The following ATRAID variants were observed in gnomAD, a reference collection of about 807,000 sequenced individuals.
ATRAID encodes all-trans retinoic acid-induced differentiation factor.
A neutral mutation model predicts 28.8 loss-of-function variants in ATRAID; 26 were observed. The ratio of observed to expected loss-of-function variants is 0.90; its 90% CI spans 0.66 to 1.25. The LOEUF (loss-of-function observed/expected upper bound fraction) is 1.25, where lower values mean the gene tolerates loss of function less well. Ranked by LOEUF, ATRAID falls within the 50% of genes most tolerant of loss-of-function variation. The pLI, the probability that ATRAID is intolerant of heterozygous loss-of-function variation, is 0.00. For missense variants in ATRAID, 308 were observed against 285.9 expected (o/e 1.08, Z -0.56); for synonymous variants, 131 against 108.5 (o/e 1.21, Z -1.29).
rs1674793628 is a variant in ATRAID at position 27,215,632 on chromosome 2, G to C, written c.366G>C (p.Leu122=). The C allele has an allele frequency of 6.2e-7, 1 of 1,614,174 alleles. No homozygotes were observed. Among genetic ancestry groups the C allele is most frequent in the Non-Finnish European group, 8.5e-7 (1 of 1,180,036 alleles). ...TFRGFTQLQT[L]ILPQHVNCPG... is the part of the protein sequence containing the mutation. ...ATGTTATGACCACATTTCTCTATAG[G>C]ATACTGCCACAACATGTCAACTGTC... Residue 122 remains leucine (L), a splice_region_variant and synonymous_variant, in exon 5 of 7, where the codon CTG becomes CTC. Transcript: ENST00000380171.
intron 2 of ATRAID, among the ~76,000 whole-genome samples, chr2:27,214,482 G>A (rs910874768): frequency 6.6e-6 from 1 of 151,856 alleles, no homozygotes; most frequent in Non-Finnish European, 1.5e-5. Flanking sequence ...CACTAATGTA[G>A]ACAAGAAACA....
chr2:27,213,042 C>A (rs995707037), intron 1 of ATRAID, 135 bp from the exon 2 acceptor site: 4 of 1,118,482 alleles, frequency 3.6e-6, no homozygotes, highest in Non-Finnish European at 5.1e-6. Context: ...GGGTGGGACA[C>A]GAGCCGTTTA....
At chr2:27,213,631 A>G (rs1294723152) in intron 2 of ATRAID, among the ~76,000 whole-genome samples, 1 of 152,148 alleles carries the variant, frequency 6.6e-6, no homozygotes, top group African/African-American at 2.4e-5. Flanking sequence ...ATTTTCCATT[A>G]TCACTCTCTT....
Position 27,215,485 on chromosome 2 carries a change from C to G in ATRAID, c.305C>G (p.Ala102Gly). ...TGTGTACTTTGCAGAGACCTGCAAG[C>G]AAACCCCCTCAAAGGTGACTTGGCC... ...AHTTVIIDLQ[A>G]NPLKGDLANT... Residue 102 changes from alanine to glycine, a missense_variant, in exon 4 of 7, where the codon GCA becomes GGA. Transcript: ENST00000380171. 6.2e-7 allele frequency: 1 copy of G among 1,614,218 alleles called. No individual in the cohort carries two copies. Among genetic ancestry groups the G allele is most frequent in the Non-Finnish European group, 8.5e-7 (1 of 1,180,042 alleles).
rs1674828983 is a variant in ATRAID, at chr2:27,216,317, G to T, written c.488-206G>T. On this transcript the variant is annotated intron_variant, in intron 5 of 6. Coordinates refer to ENST00000380171, the MANE Select transcript of ATRAID (RefSeq NM_001170795.4). ...ATCTTCAGTTGCTTCAGACCATCTGGATGTATACGTGCAGGTCACAGGGGA... is the reference window on the plus strand; with the variant it reads ...ATCTTCAGTTGCTTCAGACCATCTGTATGTATACGTGCAGGTCACAGGGGA... The T allele has an allele frequency of 5.3e-6, 3 of 562,640 alleles. No individual in the cohort carries two copies. The South Asian group carries it at 6.1e-5, about 11-fold the overall frequency. 34.9% of individuals were successfully genotyped at this position (562,640 alleles called of 1,614,324 possible).
chr2:27,212,263 T>G lies in ATRAID; in HGVS notation c.-106T>G. On this transcript the variant is annotated 5_prime_UTR_variant, in exon 1 of 7. Coordinates refer to ENST00000380171, the MANE Select transcript of ATRAID (RefSeq NM_001170795.4). ...AGCCCCCAAGCAGCCCCAGGGCGAC[T>G]GGACCGGGCCGCTTAGGCCACGCCC... 5.8e-6 allele frequency: 9 copies of G among 1,557,922 alleles called. No homozygotes were observed. The highest frequency in any genetic ancestry group is 6.9e-6 in the Non-Finnish European group (8 of 1,151,348).
At chr2:27,216,004 CA>C (rs1674814030) in intron 5 of ATRAID, among the ~76,000 whole-genome samples, 1 of 152,138 alleles carries the variant, frequency 6.6e-6, no homozygotes, top group Non-Finnish European at 1.5e-5. Context: ...GGGCTGAGTC[CA>C]AAAAGAGAGT....
chr2:27,213,552 T>C, intron 2 of ATRAID: 2 of 334,966 alleles, frequency 6.0e-6, no homozygotes. Context: ...ATGTTATGTT[T>C]TGCTTCCATT....
In ATRAID at chr2:27,216,780, G is replaced by T; in HGVS notation, c.586-64G>T. 2.0e-6 allele frequency: 3 copies of T among 1,483,444 alleles called. No individual in the cohort carries two copies. The South Asian group carries it at 3.4e-5, about 17-fold the overall frequency. 91.9% of individuals were successfully genotyped at this position (1,483,444 alleles called of 1,614,324 possible). On this transcript the variant is annotated intron_variant, in intron 6 of 6. Coordinates refer to ENST00000380171, the MANE Select transcript of ATRAID (RefSeq NM_001170795.4). ...TGATAGGTATATTAGGAAAGAACTAGGTGTTAGGATGTGGCCCTCCGTGTA... is the reference window on the plus strand; with the variant it reads ...TGATAGGTATATTAGGAAAGAACTATGTGTTAGGATGTGGCCCTCCGTGTA...
intron 5 of ATRAID, 64 bp downstream of exon 5, chr2:27,215,817 A>C (rs1674803077): frequency 6.3e-7 from 1 of 1,579,436 alleles, no homozygotes; most frequent in Admixed American, 1.8e-5. Context: ...TCCACTTTAG[A>C]TCAGAAAGAC....
Position 27,212,329 on chromosome 2 carries a change from G to A in ATRAID, c.-40G>A. 1.3e-6 allele frequency: 2 copies of A among 1,549,372 alleles called. No homozygotes were observed. Among genetic ancestry groups the A allele is most frequent in the Non-Finnish European group, 8.7e-7 (1 of 1,146,272 alleles). On this transcript the variant is annotated 5_prime_UTR_variant, in exon 1 of 7. Coordinates refer to ENST00000380171, the MANE Select transcript of ATRAID (RefSeq NM_001170795.4). The stretch of plus-strand genomic sequence containing the variant: ...ACGCGCTGCGGGGCGGGGCCGCGGG[G>A]CCGGGTCGCGCGAGCAGCGGAGCAC...
chr2:27,212,332 G>T lies in ATRAID; in HGVS notation c.-37G>T. The T allele has an allele frequency of 6.5e-7, 1 of 1,549,426 alleles. No individual in the cohort carries two copies. The highest frequency in any genetic ancestry group is 8.7e-7 in the Non-Finnish European group (1 of 1,146,256). ...CGCTGCGGGGCGGGGCCGCGGGGCCGGGTCGCGCGAGCAGCGGAGCACCAA... is the reference window on the plus strand; with the variant it reads ...CGCTGCGGGGCGGGGCCGCGGGGCCTGGTCGCGCGAGCAGCGGAGCACCAA... On this transcript the variant is annotated 5_prime_UTR_variant, in exon 1 of 7. Transcript: ENST00000380171.
intron 2 of ATRAID, among the ~76,000 whole-genome samples, chr2:27,214,458 C>A (rs1411338814): frequency 1.3e-5 from 2 of 151,680 alleles, no homozygotes; most frequent in African/African-American, 2.4e-5. Flanking sequence ...ATCTGAAAAT[C>A]ATAATATGAG....
chr2:27,212,134 G>T lies in ATRAID; in HGVS notation c.-235G>T. The stretch of plus-strand genomic sequence containing the variant: ...GGCTCCGGGAAGCCGCGCGGCGACG[G>T]GGGAGGCCTTCACTAAAGGGGAAAA... On this transcript the variant is annotated 5_prime_UTR_variant, in exon 1 of 7. Coordinates refer to ENST00000380171, the MANE Select transcript of ATRAID (RefSeq NM_001170795.4). 2.6e-6 allele frequency: 4 copies of T among 1,516,758 alleles called. No homozygotes were observed. The highest frequency in any genetic ancestry group is 1.3e-5 in the South Asian group (1 of 79,772). The allele number at this position is 1,516,758 out of a possible 1,614,324, so 94.0% of individuals were successfully genotyped here.
intron 2 of ATRAID, 89 bp downstream of exon 2, chr2:27,213,387 T>G: frequency 6.8e-7 from 1 of 1,478,042 alleles, no homozygotes; most frequent in Non-Finnish European, 9.0e-7. Context: ...AGAATCCACC[T>G]ATTATGGTTT....
Position 27,212,087 on chromosome 2 carries a change from C to A in ATRAID, c.-282C>A. 2 of 1,367,094 alleles carry A rather than the reference C, an allele frequency of 1.5e-6. No individual in the cohort carries two copies. The highest frequency in any genetic ancestry group is 1.9e-6 in the Non-Finnish European group (2 of 1,030,034). 84.7% of individuals were successfully genotyped at this position (1,367,094 alleles called of 1,614,324 possible). ...CTCGGCGTCCGGACGCGGGGAACAC[C>A]GGGCTGAGGGAGTCTGCAGTCGGCT... is the stretch of plus-strand genomic sequence containing the variant. On this transcript the variant is annotated 5_prime_UTR_variant, in exon 1 of 7. Coordinates refer to ENST00000380171, the MANE Select transcript of ATRAID (RefSeq NM_001170795.4).
chr2:27,215,220 AATT>A (rs1674774215), intron 2 of ATRAID, 98 bp from the exon 3 acceptor site: 2 of 1,173,224 alleles, frequency 1.7e-6, no homozygotes, highest in Admixed American at 1.8e-5. Context: ...AGCTGTGTTC[AATT>A]ATTAGCTGAA....
Position 27,216,954 on chromosome 2 carries a change from A to G in ATRAID, c.*6A>G. On this transcript the variant is annotated 3_prime_UTR_variant, in exon 7 of 7. Transcript: ENST00000380171. The stretch of plus-strand genomic sequence containing the variant: ...GAAAAGCCAAGACTTCATGAACTAC[A>G]TAGGTCTTACCATTGACCTAAGATC... 4 of 1,598,924 alleles carry G rather than the reference A, an allele frequency of 2.5e-6. No homozygotes were observed. The highest frequency in any genetic ancestry group is 3.4e-6 in the Non-Finnish European group (4 of 1,167,102).
In ATRAID at chr2:27,215,336, C is replaced by A. The variant is rs762576701; in HGVS notation, c.237C>A (p.Asn79Lys). ...KGTILGLDLQ[N>K]CSLEDPGPNF... is the part of the protein sequence containing the mutation. Reference sequence around the variant, plus strand: ...ATTTCCTCAGGCTGGATCTCCAGAACTGTTCTCTGGAGGACCCTGGTCCAA... The same window carrying A: ...ATTTCCTCAGGCTGGATCTCCAGAAATGTTCTCTGGAGGACCCTGGTCCAA... The change falls in exon 3 of 7, where the codon AAC becomes AAA. Residue 79 changes from asparagine to lysine, a missense_variant. By Grantham distance (94) the Asn-to-Lys change is moderately conservative. Transcript: ENST00000380171. 2 of 1,614,090 alleles carry A rather than the reference C, an allele frequency of 1.2e-6. No homozygotes were observed. Among genetic ancestry groups the A allele is most frequent in the Non-Finnish European group, 1.7e-6 (2 of 1,179,948 alleles).
Sources: allele counts gnomAD v4.1 joint callset (sites outside exome capture counted in the v4.1 genomes callset), GRCh38; gene constraint gnomAD v4.1.1; transcripts MANE v1.5; gene names NCBI Gene and HGNC (gene_info 2026-07-23, HGNC 2026-07-21).